Variants in ANO2 observed in about 807,000 individuals in gnomAD.
ANO2 encodes the protein anoctamin 2.
A neutral mutation model predicts 124.2 loss-of-function variants in ANO2; 101 were observed. That is an observed-to-expected ratio of 0.81 (90% CI 0.69 to 0.96). The LOEUF is 0.96. Ranked by LOEUF, ANO2 falls within the 40% of genes least tolerant of loss-of-function variation. The pLI is 0.00. For missense variants in ANO2, 1,293 were observed against 1,274.5 expected (o/e 1.01, Z -0.22); for synonymous variants, 486 against 482.5 (o/e 1.01, Z -0.09).
rs1267961966 is a variant in ANO2 at position 5,635,205 on chromosome 12, ATG to A, written c.1761_1762del (p.Ile588ProfsTer18). On this transcript the variant is annotated frameshift_variant, in exon 16 of 25. Coordinates refer to ENST00000682330, the MANE Select transcript of ANO2 (RefSeq NM_001364791.2). LOFTEE classifies it high-confidence loss of function. This position sits in a 1 kb window ranked among gnomAD's most constrained non-coding sequence, Gnocchi z 5.2. Reference sequence around the variant, plus strand: ...GCCGTAGATCTCGTCCAGGATGAGGATGACCACGAGGTTGATGATGACTGCTG... The same window carrying A: ...GCCGTAGATCTCGTCCAGGATGAGGAACCACGAGGTTGATGATGACTGCTG... The A allele has an allele frequency of 6.2e-7, 1 of 1,610,110 alleles. No individual in the cohort carries two copies. The highest frequency in any genetic ancestry group is 2.2e-5 in the East Asian group (1 of 44,798).
chr12:5,864,789 C>A lies in ANO2; in HGVS notation c.535-10648G>T, dbSNP rs117337363. ...ATTCTCAAAAATGTCCCAGGCTAGACAAGCAAATCACAGGATCAACCTGTG... is the reference window on the plus strand; with the variant it reads ...ATTCTCAAAAATGTCCCAGGCTAGAAAAGCAAATCACAGGATCAACCTGTG... On this transcript the variant is annotated intron_variant, in intron 3 of 24. Transcript: ENST00000682330. Among the ~76,000 whole-genome samples the A allele has an allele frequency of 2.6e-5, 4 of 152,306 alleles. No individual in the cohort carries two copies. In the East Asian group the frequency reaches 7.7e-4, roughly 29 times the overall value.
chr12:5,920,905 T>C, intron 3 of ANO2, 135 bp downstream of exon 3: 2 of 1,063,448 alleles, frequency 1.9e-6, no homozygotes, highest in Non-Finnish European at 2.6e-6. Flanking sequence ...AAACAAAATC[T>C]GGTTTCTCCA....
intron 14 of ANO2, among the ~76,000 whole-genome samples, chr12:5,700,820 C>T (rs1287605759): frequency 2.0e-5 from 3 of 152,148 alleles, no homozygotes; most frequent in East Asian, 3.9e-4. Context: ...AACCACTGCA[C>T]GAGGACTCCT....
At chr12:5,756,313 T>G (rs1214010209) in intron 10 of ANO2, among the ~76,000 whole-genome samples, 1 of 151,988 alleles carries the variant, frequency 6.6e-6, no homozygotes, top group Non-Finnish European at 1.5e-5. Flanking sequence ...TTAAGACAAT[T>G]ATTTTGAGTT....
intron 14 of ANO2, among the ~76,000 whole-genome samples, chr12:5,721,363 G>A (rs1173878457): frequency 6.6e-6 from 1 of 152,320 alleles, no homozygotes; most frequent in East Asian, 1.9e-4. Context: ...AGTTTCCACA[G>A]GCTGTTGCCA....
intron 10 of ANO2, among the ~76,000 whole-genome samples, chr12:5,784,585 C>T (rs1452159377): frequency 6.6e-6 from 1 of 152,240 alleles, no homozygotes; most frequent in Non-Finnish European, 1.5e-5. Context: ...GGCTTGGCCT[C>T]TTGGACTCTG....
chr12:5,798,415 G>T (rs1952937643), intron 10 of ANO2, among the ~76,000 whole-genome samples: 1 of 152,088 alleles, frequency 6.6e-6, no homozygotes, highest in Non-Finnish European at 1.5e-5. Context: ...CCAAACTCTG[G>T]CCTCCACGCG....
At chr12:5,850,423 A>C (rs1954845852) in intron 4 of ANO2, among the ~76,000 whole-genome samples, 1 of 148,232 alleles carries the variant, frequency 6.7e-6, no homozygotes, top group South Asian at 2.1e-4. Context: ...CTCAAAAAAA[A>C]AAAAAAAAAA....
At chr12:5,834,036 C>T (rs1245699806) in intron 4 of ANO2, among the ~76,000 whole-genome samples, 1 of 152,076 alleles carries the variant, frequency 6.6e-6, no homozygotes, top group African/African-American at 2.4e-5. Flanking sequence ...AGCTGCCCTG[C>T]CAAGCAGCAG....
intron 3 of ANO2, among the ~76,000 whole-genome samples, chr12:5,897,487 CA>C (rs1939873288): frequency 6.6e-6 from 1 of 151,860 alleles, no homozygotes; most frequent in East Asian, 1.9e-4. Context: ...AAATAACTTC[CA>C]AAAAAAGTCT....
intron 13 of ANO2, among the ~76,000 whole-genome samples, chr12:5,733,570 T>C (rs2085768927): frequency 6.6e-6 from 1 of 152,218 alleles, no homozygotes; most frequent in African/African-American, 2.4e-5. Context: ...GGAACACACA[T>C]GTCCTTATCC....
intron 10 of ANO2, among the ~76,000 whole-genome samples, chr12:5,792,277 A>C (rs1952719928): frequency 6.6e-6 from 1 of 152,172 alleles, no homozygotes; most frequent in East Asian, 1.9e-4. Flanking sequence ...ATGAACACAT[A>C]CACAGGCACA....
chr12:5,923,118 G>GCA (rs1188832480), intron 1 of ANO2, among the ~76,000 whole-genome samples: 4 of 18,746 alleles, frequency 2.1e-4, no homozygotes, highest in East Asian at 4.7e-3. Flanking sequence ...ACACATGCAC[G>GCA]CACACACACC....
chr12:5,831,188 A>T (rs1289154171), intron 5 of ANO2, among the ~76,000 whole-genome samples: 1 of 152,222 alleles, frequency 6.6e-6, no homozygotes, highest in East Asian at 1.9e-4. Context: ...GCACCCCAGG[A>T]GCCCCAGTCA....
At chr12:5,792,516 C>G (rs989543586) in intron 10 of ANO2, among the ~76,000 whole-genome samples, 5 of 152,182 alleles carry the variant, frequency 3.3e-5, no homozygotes, top group Non-Finnish European at 5.9e-5. Context: ...CTGAGTGATG[C>G]AATCCTAGCT....
chr12:5,775,080 C>T lies in ANO2; in HGVS notation c.1056-24110G>A, dbSNP rs1952188283. Among the ~76,000 whole-genome samples, 3 of 152,194 alleles carry T rather than the reference C, an allele frequency of 2.0e-5. 1 individual carries two copies. The South Asian group carries it at 6.2e-4, about 32-fold the overall frequency. ...AACCATTTTCAAAGAAGCTAAATCC[C>T]TTGCCCAAGGTCACACATGCAGTTA... On this transcript the variant is annotated intron_variant, in intron 10 of 24. Transcript: ENST00000682330.
chr12:5,633,980 C>A (rs1945870783), intron 16 of ANO2, among the ~76,000 whole-genome samples: 1 of 152,200 alleles, frequency 6.6e-6, no homozygotes, highest in Admixed American at 6.5e-5. Context: ...ACGCCTCTCC[C>A]TCCAAAGCCT....
intron 17 of ANO2, 82 bp downstream of exon 17, chr12:5,615,103 CA>C: frequency 9.3e-7 from 1 of 1,079,548 alleles, no homozygotes; most frequent in South Asian, 1.5e-5. Flanking sequence ...ACAATGGGGA[CA>C]GGCTGACCCT....
intron 3 of ANO2, among the ~76,000 whole-genome samples, chr12:5,919,394 C>A (rs1387190866): frequency 7.2e-6 from 1 of 138,896 alleles, no homozygotes; most frequent in Non-Finnish European, 1.6e-5. Flanking sequence ...GCAGAAAGGG[C>A]AATAGCACAA....
Sources: allele counts gnomAD v4.1 joint callset (sites outside exome capture counted in the v4.1 genomes callset), GRCh38; gene constraint gnomAD v4.1.1; non-coding constraint Gnocchi (gnomAD v3.1); transcripts MANE v1.5; gene names NCBI Gene and HGNC (gene_info 2026-07-23, HGNC 2026-07-21).